The following ADGRV1 variants were observed in gnomAD, a reference collection of about 807,000 sequenced individuals.
The protein encoded by ADGRV1 is adhesion G protein-coupled receptor V1.
Under a neutral mutation model 596.2 loss-of-function variants are expected in ADGRV1, and 359 were observed. The observed-to-expected ratio is 0.60, with a 90% CI of 0.55 to 0.66. ADGRV1 has a LOEUF of 0.66. Among genes scored for constraint, ADGRV1 ranks in the 30% least tolerant of loss-of-function variants. The probability of loss-of-function intolerance (pLI) is 0.00; values close to 1 mark genes in which losing one functional copy is unlikely to be tolerated. For synonymous variants in ADGRV1, 2,681 were observed against 2,679.2 expected (o/e 1.00, Z -0.02); for missense variants, 7,274 against 7,575.6 (o/e 0.96, Z 1.48).
intron 30 of ADGRV1, 76 bp from the exon 31 acceptor site, chr5:90,690,721 T>C: frequency 2.1e-6 from 3 of 1,398,014 alleles, no homozygotes; most frequent in Admixed American, 4.0e-5. Context: ...GAATCCACTA[T>C]AGGATGGTGC....
At chr5:90,784,311 A>G (rs1251658052) in intron 67 of ADGRV1, among the ~76,000 whole-genome samples, 1 of 152,182 alleles carries the variant, frequency 6.6e-6, no homozygotes, top group Non-Finnish European at 1.5e-5. Context: ...TAATTCAACA[A>G]GTATTTGTTG....
intron 21 of ADGRV1, among the ~76,000 whole-genome samples, chr5:90,665,532 CTATT>C (rs984551492): frequency 5.0e-4 from 76 of 151,554 alleles, no homozygotes; most frequent in African/African-American, 1.7e-3. Flanking sequence ...TGCTAGCGGT[CTATT>C]TATTTTGTCG....
chr5:91,164,400 T>C lies in ADGRV1; in HGVS notation c.*500T>C, dbSNP rs186135822. 28 of 212,022 alleles carry C rather than the reference T, an allele frequency of 1.3e-4. No homozygotes were observed. The highest frequency in any genetic ancestry group is 4.7e-4 in the Admixed American group (9 of 19,156). 13.1% of individuals were successfully genotyped at this position (212,022 alleles called of 1,614,324 possible). On this transcript the variant is annotated 3_prime_UTR_variant, in exon 90 of 90. Transcript: ENST00000405460. ...GAAAACTGTAAAATGGTCTGTCTGT[T>C]GATGATCCTGCACATAAATGTTGAT...
rs148772856 is a variant in ADGRV1, at chr5:90,935,981, C to A, written c.17857-29434C>A. On this transcript the variant is annotated intron_variant, in intron 83 of 89. Coordinates refer to ENST00000405460, the MANE Select transcript of ADGRV1 (RefSeq NM_032119.4). ...TACAGCCTGAGCAACATAGCGACCA[C>A]CCCATCTCTAAACAAAACAACAAAA... 2.9e-3 allele frequency among the ~76,000 whole-genome samples: 448 copies of A among 151,980 alleles called. 1 individual carries two copies. Among genetic ancestry groups the A allele is most frequent in the Non-Finnish European group, 4.3e-3 (291 of 67,944 alleles).
At chr5:90,735,902 A>G (rs1423342641) in intron 50 of ADGRV1, among the ~76,000 whole-genome samples, 1 of 152,130 alleles carries the variant, frequency 6.6e-6, no homozygotes, top group East Asian at 1.9e-4. Context: ...TTCAATATAT[A>G]AAACATGTTG....
Position 90,794,141 on chromosome 5 carries a change from C to G in ADGRV1, c.14517+2795C>G, listed in dbSNP as rs945382102. On this transcript the variant is annotated intron_variant, in intron 70 of 89. Transcript: ENST00000405460. ...CTTGGATAAAAGTTGAGACTTTGGACAGGTAAGCCACAGAGAAGGACCGCA... is the reference window on the plus strand; with the variant it reads ...CTTGGATAAAAGTTGAGACTTTGGAGAGGTAAGCCACAGAGAAGGACCGCA... 2.0e-5 allele frequency among the ~76,000 whole-genome samples: 3 copies of G among 152,184 alleles called. No homozygotes were observed. The East Asian group carries it at 5.8e-4, about 29-fold the overall frequency.
Position 90,855,723 on chromosome 5 carries a change from AT to A in ADGRV1, c.17595-16del. On this transcript the variant is annotated splice_polypyrimidine_tract_variant and intron_variant, in intron 81 of 89. Coordinates refer to ENST00000405460, the MANE Select transcript of ADGRV1 (RefSeq NM_032119.4). ...TATTGATGAAAGAGGAAAAATGACT[AT>A]TGTGTTTTTGCCCTAGCTGGTTGTC... 6.5e-7 allele frequency: 1 copy of A among 1,530,832 alleles called. No homozygotes were observed. Among genetic ancestry groups the A allele is most frequent in the Non-Finnish European group, 8.8e-7 (1 of 1,136,416 alleles). The allele number at this position is 1,530,832 out of a possible 1,614,324, so 94.8% of individuals were successfully genotyped here.
At chr5:90,569,415 T>TTTTTTTTTTTTTTTTTC (rs1295993815) in intron 1 of ADGRV1, among the ~76,000 whole-genome samples, 2 of 105,650 alleles carry the variant, frequency 1.9e-5, no homozygotes, top group African/African-American at 9.2e-5. Context: ...TTTTTTTTTT[T>TTTTTTTTTTTTTTTTTC]CTCATTCTTA....
intron 9 of ADGRV1, among the ~76,000 whole-genome samples, chr5:90,634,118 C>T (rs1269587538): frequency 1.8e-4 from 27 of 152,012 alleles, no homozygotes. Flanking sequence ...TTTAAAATTC[C>T]TATGGTTTTT....
rs184619322 is a variant in ADGRV1, at chr5:90,703,418, G to A, written c.8156-247G>A. Among the ~76,000 whole-genome samples the A allele has an allele frequency of 5.9e-3, 905 of 152,126 alleles. 11 individuals carry two copies. The highest frequency in any genetic ancestry group is 9.0e-3 in the Non-Finnish European group (613 of 67,926). On this transcript the variant is annotated intron_variant, in intron 34 of 89. Coordinates refer to ENST00000405460, the MANE Select transcript of ADGRV1 (RefSeq NM_032119.4). ...ATAAAAGTTTGTGTTTCCCATTTTA[G>A]CATGTGCTTTTGTAACTTTTACATA...
At chr5:90,596,288 C>G (rs1031062841) in intron 1 of ADGRV1, among the ~76,000 whole-genome samples, 22 of 151,120 alleles carry the variant, frequency 1.5e-4, no homozygotes, top group Non-Finnish European at 2.9e-4. Flanking sequence ...CGGGCAGAGA[C>G]GCTCCTCACT....
rs368373276 is a variant in ADGRV1 at position 90,674,206 on chromosome 5, C to G, written c.5082C>G (p.Ile1694Met). The G allele has an allele frequency of 5.6e-6, 9 of 1,610,144 alleles. No individual in the cohort carries two copies. Among genetic ancestry groups the G allele is most frequent in the African/African-American group, 4.0e-5 (3 of 74,960 alleles). ...ATCCTGAAAAGGAAACGACTGATAT[C>G]ACCATCAAAGCTAGTGATCATCCAT... ...SIDPEKETTD[I>M]TIKASDHPYG... is the part of the protein sequence containing the mutation. The change falls in exon 23 of 90, where the codon ATC becomes ATG. Residue 1694 changes from isoleucine (I) to methionine (M), a missense_variant. Physicochemically the swap from Ile to Met is conservative, Grantham distance 10. This residue lies in a region of ADGRV1 where 3,643 missense variants were observed against 3,809.2 expected (regional missense o/e 0.96). Coordinates refer to ENST00000405460, the MANE Select transcript of ADGRV1 (RefSeq NM_032119.4).
Position 90,810,261 on chromosome 5 carries a change from C to G in ADGRV1, c.15001C>G (p.Pro5001Ala). 1.3e-6 allele frequency: 2 copies of G among 1,582,028 alleles called. No individual in the cohort carries two copies. Among genetic ancestry groups the G allele is most frequent in the Non-Finnish European group, 1.7e-6 (2 of 1,163,678 alleles). Residue 5001 changes from proline (P) to alanine (A), a missense_variant, in exon 74 of 90, where the codon CCA becomes GCA. Around this residue, in one of 5 missense-constraint regions of ADGRV1, gnomAD observed 1,874 missense variants for 1,970.2 expected, o/e 0.95. Transcript: ENST00000405460. The part of the protein sequence containing the change: ...RSGFIVAEIE[P>A]MGVFQFSTSS... ...AGGTTTCATTGTTGCTGAAATTGAA[C>G]CAATGGGCGTCTTCCAATTTTCCAC...
At chr5:90,812,046 G>A (rs181847609) in intron 74 of ADGRV1, among the ~76,000 whole-genome samples, 222 of 151,242 alleles carry the variant, frequency 1.5e-3, no homozygotes, top group Admixed American at 2.4e-3. Context: ...CTCTGACTCA[G>A]CTTCCCGAGT....
chr5:90,878,295 T>C (rs1769408858), intron 83 of ADGRV1, among the ~76,000 whole-genome samples: 1 of 152,196 alleles, frequency 6.6e-6, no homozygotes. Context: ...TTACTTTCTT[T>C]GGAGTTTACA....
intron 83 of ADGRV1, among the ~76,000 whole-genome samples, chr5:90,958,161 T>C (rs1296772276): frequency 2.6e-5 from 4 of 151,096 alleles, no homozygotes; most frequent in Admixed American, 2.6e-4. Flanking sequence ...TGCATGCCTG[T>C]AGTCCCCAGC....
chr5:91,044,977 G>C (rs1004884592), intron 85 of ADGRV1, among the ~76,000 whole-genome samples: 1 of 152,140 alleles, frequency 6.6e-6, no homozygotes, highest in East Asian at 1.9e-4. Flanking sequence ...AACACAAGAA[G>C]AGAGTGATGC....
intron 56 of ADGRV1, 27 bp downstream of exon 56, chr5:90,756,657 G>A: frequency 6.3e-7 from 1 of 1,579,156 alleles, no homozygotes; most frequent in South Asian, 1.1e-5. Flanking sequence ...TTTGTTTACA[G>A]TCATACAGAG....
intron 83 of ADGRV1, among the ~76,000 whole-genome samples, chr5:90,934,499 C>G (rs559439656): frequency 1.3e-5 from 2 of 152,206 alleles, no homozygotes; most frequent in Non-Finnish European, 2.9e-5. Context: ...CTACTGATCT[C>G]TCTCATGGTA....
Sources: gnomAD v4.1 joint callset for allele counts (sites outside exome capture counted in the v4.1 genomes callset) on GRCh38, gnomAD v4.1.1 for gene constraint, gnomAD v4.1.1 regional missense constraint, MANE v1.5 for transcripts, NCBI Gene and HGNC (gene_info 2026-07-23, HGNC 2026-07-21) for gene names.